Variants in CDH13 observed in about 807,000 individuals in gnomAD.
The protein encoded by CDH13 is cadherin 13, also known as cadherin-13.
Under a neutral mutation model 63.8 loss-of-function variants are expected in CDH13, and 24 were observed. That is an observed-to-expected ratio of 0.38 (90% CI 0.27 to 0.53). The LOEUF (loss-of-function observed/expected upper bound fraction) is 0.53. CDH13 is among the 20% of genes least tolerant of loss of function. The pLI is 0.85. For synonymous variants in CDH13, 503 were observed against 355.3 expected (o/e 1.42, Z -4.67); for missense variants, 1,049 against 903.1 (o/e 1.16, Z -2.07).
At chr16:82,737,753 A>C (rs1376585760) in intron 1 of CDH13, among the ~76,000 whole-genome samples, 3 of 152,192 alleles carry the variant, frequency 2.0e-5, no homozygotes, top group Admixed American at 1.3e-4. Context: ...CTTCCTCTAT[A>C]AACTCTAGGT....
intron 1 of CDH13, among the ~76,000 whole-genome samples, chr16:82,798,430 T>C (rs1023145583): frequency 1.3e-5 from 2 of 152,220 alleles, no homozygotes; most frequent in Non-Finnish European, 2.9e-5. Context: ...CTGCTTTCAA[T>C]ACAGGGTTTC....
At chr16:82,649,724 A>G (rs1910504522) in intron 1 of CDH13, among the ~76,000 whole-genome samples, 1 of 152,134 alleles carries the variant, frequency 6.6e-6, no homozygotes, top group African/African-American at 2.4e-5. Context: ...GGGTAAGAAG[A>G]CATGGAAAAA....
At chr16:83,577,384 T>C (rs760169401) in intron 7 of CDH13, among the ~76,000 whole-genome samples, 5 of 152,234 alleles carry the variant, frequency 3.3e-5, no homozygotes, top group African/African-American at 1.2e-4. Context: ...TAACATTTAC[T>C]TGAATTCTTG....
intron 8 of CDH13, among the ~76,000 whole-genome samples, chr16:83,603,902 A>G (rs1016515058): frequency 6.6e-6 from 1 of 152,212 alleles, no homozygotes; most frequent in African/African-American, 2.4e-5. Context: ...GGAAGCCAGC[A>G]CATCTTCACA....
At chr16:82,768,653 A>G (rs2035150669) in intron 1 of CDH13, among the ~76,000 whole-genome samples, 1 of 152,166 alleles carries the variant, frequency 6.6e-6, no homozygotes, top group Non-Finnish European at 1.5e-5. Context: ...AGGTTAGGAG[A>G]GCTGGGCTTC....
intron 4 of CDH13, among the ~76,000 whole-genome samples, chr16:83,195,728 A>G (rs1275459419): frequency 6.6e-6 from 1 of 152,180 alleles, no homozygotes; most frequent in African/African-American, 2.4e-5. Context: ...GAATCACCCT[A>G]GCAACAGTCA....
chr16:83,060,532 T>G (rs940169252), intron 3 of CDH13, among the ~76,000 whole-genome samples: 4 of 152,136 alleles, frequency 2.6e-5, no homozygotes, highest in Admixed American at 2.6e-4. Flanking sequence ...TATTGCCTAA[T>G]TCATAAAGAG....
intron 6 of CDH13, among the ~76,000 whole-genome samples, chr16:83,427,517 C>G (rs1422726614): frequency 2.0e-5 from 3 of 152,160 alleles, no homozygotes; most frequent in Admixed American, 6.5e-5. Flanking sequence ...CCCCATGAGA[C>G]TGATCTCCAA....
intron 3 of CDH13, among the ~76,000 whole-genome samples, chr16:83,083,184 A>G (rs557624522): frequency 2.5e-4 from 38 of 152,362 alleles, no homozygotes; most frequent in African/African-American, 8.7e-4. Flanking sequence ...GGGTTGGTAT[A>G]GGATGCACAG....
chr16:83,550,215 C>G (rs907151383), intron 7 of CDH13, among the ~76,000 whole-genome samples: 9 of 152,170 alleles, frequency 5.9e-5, no homozygotes, highest in African/African-American at 1.7e-4. Flanking sequence ...TTGAGAGGGA[C>G]AAACAAAACA....
chr16:83,138,434 T>C (rs1400125222), intron 4 of CDH13, among the ~76,000 whole-genome samples: 1 of 152,044 alleles, frequency 6.6e-6, no homozygotes, highest in African/African-American at 2.4e-5. Context: ...GAAGGACGCC[T>C]AAGAGCAGGC....
chr16:83,013,732 T>C (rs1914394512), intron 2 of CDH13, among the ~76,000 whole-genome samples: 1 of 152,158 alleles, frequency 6.6e-6, no homozygotes, highest in Admixed American at 6.6e-5. Context: ...TTATAAAATA[T>C]CTGGTGAGTG....
At chr16:82,988,393 G>C (rs1226808627) in intron 2 of CDH13, among the ~76,000 whole-genome samples, 2 of 152,102 alleles carry the variant, frequency 1.3e-5, no homozygotes, top group African/African-American at 4.8e-5. Flanking sequence ...GTGAAGTAGA[G>C]AAATTGGAGG....
intron 9 of CDH13, 41 bp from the exon 10 acceptor site, chr16:83,678,167 T>C: frequency 6.4e-7 from 1 of 1,571,608 alleles, no homozygotes; most frequent in Non-Finnish European, 8.7e-7. Context: ...CTGCCTTTTG[T>C]GGCTGGTGTG....
intron 1 of CDH13, among the ~76,000 whole-genome samples, chr16:82,781,139 A>G (rs959994592): frequency 8.5e-5 from 13 of 152,254 alleles, no homozygotes; most frequent in African/African-American, 2.9e-4. Context: ...ATTTCTGAAG[A>G]ATAAAAGTGG....
intron 7 of CDH13, among the ~76,000 whole-genome samples, chr16:83,546,828 G>A (rs535969209): frequency 6.6e-6 from 1 of 152,294 alleles, no homozygotes; most frequent in Non-Finnish European, 1.5e-5. Flanking sequence ...GGGCACTGCA[G>A]CCCCATGGCC....
chr16:83,438,810 A>C (rs980988168), intron 6 of CDH13, among the ~76,000 whole-genome samples: 7 of 152,240 alleles, frequency 4.6e-5, no homozygotes. Context: ...CTGTGCCAGA[A>C]AGTCTATGCA....
intron 6 of CDH13, among the ~76,000 whole-genome samples, chr16:83,383,583 C>T (rs1285165342): frequency 2.0e-5 from 3 of 152,200 alleles, no homozygotes; most frequent in Admixed American, 6.5e-5. Context: ...TATATTCATT[C>T]ATTTATTTTT....
intron 7 of CDH13, among the ~76,000 whole-genome samples, chr16:83,579,640 G>T (rs1224706603): frequency 6.6e-6 from 1 of 152,030 alleles, no homozygotes; most frequent in Non-Finnish European, 1.5e-5. Flanking sequence ...TTTGGGCGGT[G>T]ACCCAAATCC....
Sources: allele counts gnomAD v4.1 joint callset (sites outside exome capture counted in the v4.1 genomes callset), GRCh38; gene constraint gnomAD v4.1.1; transcripts MANE v1.5; gene names NCBI Gene and HGNC (gene_info 2026-07-23, HGNC 2026-07-21).